Variants in MUSK observed in about 807,000 individuals in gnomAD.
The protein encoded by MUSK is muscle, skeletal receptor tyrosine-protein kinase.
Under a neutral mutation model 88.7 loss-of-function variants are expected in MUSK, and 55 were observed. The ratio of observed to expected loss-of-function variants is 0.62; its 90% CI spans 0.50 to 0.78. The LOEUF is 0.78. Among genes scored for constraint, MUSK ranks in the 30% least tolerant of loss-of-function variants. MUSK has a pLI of 0.00. For missense variants in MUSK, 1,015 were observed against 1,074.3 expected (o/e 0.94, Z 0.77); for synonymous variants, 387 against 391.9 (o/e 0.99, Z 0.15).
chr9:110,757,518 T>C (rs79775125), intron 7 of MUSK, among the ~76,000 whole-genome samples: 14,382 of 151,904 alleles, frequency 0.095, 724 homozygotes, highest in Middle Eastern at 0.15. Flanking sequence ...TGGCTGAGTA[T>C]TTATGACTAA....
intron 1 of MUSK, among the ~76,000 whole-genome samples, chr9:110,681,010 ATATAATATATATTATATATTATATAT>A (rs1564209239): frequency 4.9e-5 from 2 of 41,102 alleles, no homozygotes; most frequent in African/African-American, 2.1e-4. Context: ...ATTATATTAT[ATATAATATATATTATATATTATATAT>A]TATATAATAT....
intron 1 of MUSK, among the ~76,000 whole-genome samples, chr9:110,675,565 T>C (rs1207830082): frequency 3.4e-3 from 111 of 33,030 alleles, no homozygotes; most frequent in African/African-American, 0.016. Flanking sequence ...GTCTTCCCTT[T>C]TTTTTTTTTT....
intron 14 of MUSK, chr9:110,788,104 T>TA: frequency 2.4e-6 from 1 of 417,056 alleles, no homozygotes; most frequent in Non-Finnish European, 4.4e-6. Context: ...GTCCCCATTG[T>TA]AAAAAATTAA....
In MUSK at chr9:110,695,384, A is replaced by G. The variant is rs751238962; in HGVS notation, c.359-19A>G. On this transcript the variant is annotated intron_variant, in intron 3 of 14. Coordinates refer to ENST00000374448, the MANE Select transcript of MUSK (RefSeq NM_005592.4). ...AAGCCATATTGCCTTATTTATTTTG[A>G]ATTTTCATTTCTTTTTAGAACCTAA... The G allele has an allele frequency of 1.4e-6, 2 of 1,443,764 alleles. No homozygotes were observed. Among genetic ancestry groups the G allele is most frequent in the East Asian group, 2.5e-5 (1 of 39,748 alleles). The allele number at this position is 1,443,764 out of a possible 1,614,324, so 89.4% of individuals were successfully genotyped here.
chr9:110,696,124 A>G (rs1294390700), intron 4 of MUSK, among the ~76,000 whole-genome samples: 2 of 152,122 alleles, frequency 1.3e-5, no homozygotes, highest in Admixed American at 6.6e-5. Context: ...TAAAAATACA[A>G]AAATTAGCTG....
At chr9:110,689,722 A>ATATATT (rs1441354482) in intron 3 of MUSK, among the ~76,000 whole-genome samples, 1 of 77,326 alleles carries the variant, frequency 1.3e-5, no homozygotes, top group African/African-American at 7.3e-5. Context: ...TATATATGTT[A>ATATATT]TATATAGTTT....
At chr9:110,725,343 CT>C (rs2076870645) in intron 5 of MUSK, among the ~76,000 whole-genome samples, 1 of 151,828 alleles carries the variant, frequency 6.6e-6, no homozygotes, top group South Asian at 2.1e-4. Flanking sequence ...GGAAAAGGGT[CT>C]TATAGATAGT....
chr9:110,698,535 G>A (rs1318112564), intron 5 of MUSK, among the ~76,000 whole-genome samples: 2 of 151,972 alleles, frequency 1.3e-5, no homozygotes, highest in African/African-American at 4.8e-5. Context: ...CATTCATATA[G>A]TTTTCTATTA....
intron 1 of MUSK, among the ~76,000 whole-genome samples, chr9:110,670,122 T>C (rs188565553): frequency 6.6e-6 from 1 of 152,328 alleles, no homozygotes; most frequent in East Asian, 1.9e-4. Context: ...TTCATTTTGT[T>C]GCTTCTCTTT....
At chr9:110,774,124 C>T (rs2077626572) in intron 9 of MUSK, among the ~76,000 whole-genome samples, 1 of 152,148 alleles carries the variant, frequency 6.6e-6, no homozygotes, top group African/African-American at 2.4e-5. Context: ...CTTACTTGCT[C>T]CACCTTATCA....
chr9:110,712,158 T>TA (rs2076680315), intron 5 of MUSK, among the ~76,000 whole-genome samples: 1 of 74,946 alleles, frequency 1.3e-5, no homozygotes, highest in Non-Finnish European at 3.2e-5. Flanking sequence ...ATGTTTATTC[T>TA]GAAAAAAAAA....
rs1435977633 is a variant in MUSK, at chr9:110,766,569, A to C, written c.921-1251A>C. On this transcript the variant is annotated intron_variant, in intron 8 of 14. Coordinates refer to ENST00000374448, the MANE Select transcript of MUSK (RefSeq NM_005592.4). ...CTTGGAAGTTCATCATTTTACCTGA[A>C]TGTATTATATCTCATTCCAATGAAT... Among the ~76,000 whole-genome samples, 3 of 152,314 alleles carry C rather than the reference A, an allele frequency of 2.0e-5. No homozygotes were observed. The South Asian group carries it at 6.2e-4, about 32-fold the overall frequency.
intron 10 of MUSK, 36 bp from the exon 11 acceptor site, chr9:110,776,596 C>T: frequency 6.5e-7 from 1 of 1,549,598 alleles, no homozygotes; most frequent in Admixed American, 1.7e-5. Flanking sequence ...TATCTGGATG[C>T]TCACTTAAAA....
At chr9:110,776,433 A>G (rs907043066) in intron 10 of MUSK, among the ~76,000 whole-genome samples, 199 bp from the exon 11 acceptor site, 2 of 152,230 alleles carry the variant, frequency 1.3e-5, no homozygotes, top group African/African-American at 2.4e-5. Context: ...CTTTGTTTGT[A>G]AGGAACTATG....
chr9:110,800,120 A>G (rs1470713792), intron 14 of MUSK, among the ~76,000 whole-genome samples, 186 bp from the exon 15 acceptor site: 1 of 152,172 alleles, frequency 6.6e-6, no homozygotes, highest in African/African-American at 2.4e-5. Context: ...CCCAGAGTGC[A>G]TTTCCTAGCT....
chr9:110,683,591 C>G (rs774070738), intron 2 of MUSK, among the ~76,000 whole-genome samples: 4 of 152,008 alleles, frequency 2.6e-5, no homozygotes, highest in Admixed American at 6.6e-5. Flanking sequence ...ATTTACATTC[C>G]CACATCAACA....
At chr9:110,787,586 G>C in intron 13 of MUSK, 104 bp from the exon 14 acceptor site, 1 of 1,186,224 alleles carries the variant, frequency 8.4e-7, no homozygotes, top group Non-Finnish European at 1.2e-6. Flanking sequence ...GACTTAACCA[G>C]CCTTTTACAC....
At chr9:110,766,620 G>C (rs2077489141) in intron 8 of MUSK, among the ~76,000 whole-genome samples, 1 of 152,146 alleles carries the variant, frequency 6.6e-6, no homozygotes, top group Non-Finnish European at 1.5e-5. Flanking sequence ...GCCAGTGGTG[G>C]TTTGTAATTA....
intron 6 of MUSK, among the ~76,000 whole-genome samples, chr9:110,738,665 C>T (rs1387103471): frequency 1.3e-5 from 2 of 152,128 alleles, no homozygotes; most frequent in East Asian, 3.9e-4. Flanking sequence ...CCTAGCTGCT[C>T]TTTATGACCC....
Sources: gnomAD v4.1 joint callset for allele counts (sites outside exome capture counted in the v4.1 genomes callset) on GRCh38, gnomAD v4.1.1 for gene constraint, MANE v1.5 for transcripts, NCBI Gene and HGNC (gene_info 2026-07-23, HGNC 2026-07-21) for gene names.